MLXIPL: variants seen among roughly 807,000 people sequenced by gnomAD.
MLXIPL encodes the protein MLX interacting protein like, also known as carbohydrate-responsive element-binding protein.
In MLXIPL, 49 loss-of-function variants were observed where a neutral mutation model predicts 81.5. The ratio of observed to expected loss-of-function variants is 0.60; its 90% CI spans 0.48 to 0.76. The LOEUF is 0.76. Ranked by LOEUF, MLXIPL falls within the 30% of genes least tolerant of loss-of-function variation. The probability of loss-of-function intolerance (pLI) is 0.00; values close to 1 mark genes in which losing one functional copy is unlikely to be tolerated. For missense variants in MLXIPL, 1,053 were observed against 1,167.0 expected, an observed-to-expected ratio of 0.90 and a Z score of 1.42; for synonymous variants, 466 against 485.5, an observed-to-expected ratio of 0.96 and a Z score of 0.53.
At chr7:73,601,910 C>A (rs1794857718) in intron 7 of MLXIPL, among the ~76,000 whole-genome samples, 2 of 152,100 alleles carry the variant, frequency 1.3e-5, no homozygotes, top group Non-Finnish European at 2.9e-5. Flanking sequence ...GGAGTCTCAG[C>A]ATGGGGTCTG....
chr7:73,596,169 G>T lies in MLXIPL; in HGVS notation c.2042C>A (p.Ala681Asp). The change falls in exon 13 of 17, where the codon GCC becomes GAC. Residue 681 changes from alanine to aspartate, a missense_variant. Transcript: ENST00000313375. The surrounding 1 kb of genome is among the most constrained non-coding windows in gnomAD (Gnocchi z 4.7). ...TLHGLVSTLS[A>D]QPSLKVSKAT... Reference sequence around the variant, plus strand: ...GGGGCTCACCTTGAGGCTGGGCTGGGCACTGAGTGTGCTCACGAGCCCATG... The same window carrying T: ...GGGGCTCACCTTGAGGCTGGGCTGGTCACTGAGTGTGCTCACGAGCCCATG... The T allele has an allele frequency of 1.2e-6, 2 of 1,613,008 alleles. No homozygotes were observed. Among genetic ancestry groups the T allele is most frequent in the Non-Finnish European group, 1.7e-6 (2 of 1,179,898 alleles).
At chr7:73,628,484 G>A (rs567763772), upstream of MLXIPL, among the ~76,000 whole-genome samples, 4 of 152,158 alleles carry the variant, frequency 2.6e-5, no homozygotes, top group Non-Finnish European at 4.4e-5. Flanking sequence ...ATGCAAGGAC[G>A]TCCACAGATT....
chr7:73,596,640 G>T lies in MLXIPL; in HGVS notation c.1821C>A (p.Ser607Arg), dbSNP rs782745942. The T allele has an allele frequency of 4.4e-6, 7 of 1,596,894 alleles. No individual in the cohort carries two copies. The Admixed American group carries it at 6.8e-5, about 16-fold the overall frequency. ...KAERLSPPAP[S>R]GSERRLSGDL... ...AATCCCTGCAACCCCTCTCTTTACCGCTGGGCGCTGGGGGTGAGAGCCGCT... is the reference window on the plus strand; with the variant it reads ...AATCCCTGCAACCCCTCTCTTTACCTCTGGGCGCTGGGGGTGAGAGCCGCT... Residue 607 changes from serine (S) to arginine (R), a missense_variant and splice_region_variant, in exon 11 of 17, where the codon AGC becomes AGA. Transcript: ENST00000313375. This position sits in a 1 kb window ranked among gnomAD's most constrained non-coding sequence, Gnocchi z 4.7.
the MLXIPL span, among the ~76,000 whole-genome samples, chr7:73,646,802 GGAGTTGCTGAGTGTAA>G: frequency 6.6e-6 from 1 of 152,114 alleles, no homozygotes. Flanking sequence ...ATGGGGCAGG[GGAGTTGCTGAGTGTAA>G]GATAAGTTCT....
At position 73,596,940 on chromosome 7, in the gene MLXIPL, C is replaced by A. The variant is rs782285397; in HGVS notation, c.1604-8G>T. On this transcript the variant is annotated splice_polypyrimidine_tract_variant and splice_region_variant and intron_variant, in intron 9 of 16. Coordinates refer to ENST00000313375, the MANE Select transcript of MLXIPL (RefSeq NM_032951.3). The surrounding 1 kb of genome is among the most constrained non-coding windows in gnomAD (Gnocchi z 4.7). Reference sequence around the variant, plus strand: ...GGGCTTGCTCCGGCTTAGCTGTGCACGGGCAGAACCGTGAGGCTACTGGGG... The same window carrying A: ...GGGCTTGCTCCGGCTTAGCTGTGCAAGGGCAGAACCGTGAGGCTACTGGGG... 3 of 1,606,758 alleles carry A rather than the reference C, an allele frequency of 1.9e-6. No homozygotes were observed. Among genetic ancestry groups the A allele is most frequent in the Non-Finnish European group, 1.7e-6 (2 of 1,178,316 alleles).
chr7:73,619,526 G>A (rs1447590344), intron 1 of MLXIPL, among the ~76,000 whole-genome samples: 1 of 151,920 alleles, frequency 6.6e-6, no homozygotes, highest in Non-Finnish European at 1.5e-5. Flanking sequence ...CTACTCAGGA[G>A]GCTGCAGTGG....
intron 1 of MLXIPL, among the ~76,000 whole-genome samples, chr7:73,618,498 C>T (rs1796128423): frequency 6.6e-6 from 1 of 151,710 alleles, no homozygotes; most frequent in Non-Finnish European, 1.5e-5. Context: ...ACTCCGCAGC[C>T]TCTCCCTACT....
chr7:73,635,687 C>T, the MLXIPL span, among the ~76,000 whole-genome samples: 1 of 151,984 alleles, frequency 6.6e-6, no homozygotes, highest in Admixed American at 6.6e-5. Flanking sequence ...ATCATCCATC[C>T]ATCTATCTCT....
At chr7:73,631,095 A>T in the MLXIPL span, among the ~76,000 whole-genome samples, 3 of 150,940 alleles carry the variant, frequency 2.0e-5, no homozygotes, top group Non-Finnish European at 2.9e-5. Context: ...TGCAAGCTCC[A>T]TCTCCTGGGT....
chr7:73,603,276 G>A (rs1466297683), intron 7 of MLXIPL, among the ~76,000 whole-genome samples: 5 of 152,292 alleles, frequency 3.3e-5, no homozygotes, highest in South Asian at 2.1e-4. Flanking sequence ...CCTCCTCTGT[G>A]TGGCCCACAC....
chr7:73,618,632 G>A (rs1554601297), intron 1 of MLXIPL, among the ~76,000 whole-genome samples: 1 of 151,392 alleles, frequency 6.6e-6, no homozygotes, highest in Non-Finnish European at 1.5e-5. Context: ...ACCCAAATAA[G>A]ATACACAGCC....
the MLXIPL span, among the ~76,000 whole-genome samples, chr7:73,637,059 C>CAAAAAAAAA: frequency 1.3e-3 from 150 of 119,572 alleles, 2 homozygotes; most frequent in Non-Finnish European, 1.4e-3. Flanking sequence ...GATTCCATCT[C>CAAAAAAAAA]AAAAAAAAAA....
intron 5 of MLXIPL, chr7:73,606,668 CA>C (rs1378591688): frequency 1.5e-5 from 6 of 397,810 alleles, no homozygotes; most frequent in Non-Finnish European, 2.4e-5. Context: ...TCAGATGACC[CA>C]CCCGCCTCGG....
intron 2 of MLXIPL, among the ~76,000 whole-genome samples, chr7:73,613,000 C>T (rs1365368881): frequency 1.3e-5 from 2 of 152,006 alleles, no homozygotes; most frequent in Non-Finnish European, 2.9e-5. Context: ...CAGGGAGCTC[C>T]CAGGACACCA....
At chr7:73,630,285 CTTTTTTTTTTTT>C in the MLXIPL span, among the ~76,000 whole-genome samples, 1 of 97,874 alleles carries the variant, frequency 1.0e-5, no homozygotes, top group Non-Finnish European at 1.8e-5. Context: ...GCCAGCTTGT[CTTTTTTTTTTTT>C]TTTTTTTTTG....
chr7:73,619,229 G>A (rs34062580), intron 1 of MLXIPL, among the ~76,000 whole-genome samples: 17,691 of 152,010 alleles, frequency 0.12, 1,049 homozygotes, highest in Middle Eastern at 0.13. Flanking sequence ...GGGAGGCCGA[G>A]GTGGGTGGAT....
At chr7:73,634,340 T>C in the MLXIPL span, among the ~76,000 whole-genome samples, 1 of 152,034 alleles carries the variant, frequency 6.6e-6, no homozygotes, top group African/African-American at 2.4e-5. Flanking sequence ...AAGACCAGCC[T>C]GGGCGACGGA....
the MLXIPL span, among the ~76,000 whole-genome samples, chr7:73,646,864 C>T: frequency 2.5e-4 from 38 of 152,182 alleles, 1 homozygote; most frequent in East Asian, 7.0e-3. Context: ...TCTCATAGAT[C>T]CCTGGTCCCC....
Position 73,596,441 on chromosome 7 carries a change from G to T in MLXIPL, c.1861C>A (p.Pro621Thr), listed in dbSNP as rs1484174645. 6.2e-7 allele frequency: 1 copy of T among 1,612,762 alleles called. No individual in the cohort carries two copies. Among genetic ancestry groups the T allele is most frequent in the Non-Finnish European group, 8.5e-7 (1 of 1,179,990 alleles). ...RRLSGDLSSM[P>T]GPGTLSVRVS... Reference sequence around the variant, plus strand: ...CGGACGCTCAGAGTCCCAGGGCCTGGCATGGAGCTGAGGTCCCCTGACAGC... The same window carrying T: ...CGGACGCTCAGAGTCCCAGGGCCTGTCATGGAGCTGAGGTCCCCTGACAGC... Residue 621 changes from proline to threonine, a missense_variant, in exon 12 of 17, where the codon CCA becomes ACA. This residue lies in a region of MLXIPL where 823 missense variants were observed against 933.0 expected (regional missense o/e 0.88). Transcript: ENST00000313375. This position sits in a 1 kb window ranked among gnomAD's most constrained non-coding sequence, Gnocchi z 4.7.
Sources: gnomAD v4.1 joint callset for allele counts (sites outside exome capture counted in the v4.1 genomes callset) on GRCh38, gnomAD v4.1.1 for gene constraint, gnomAD v4.1.1 regional missense constraint, Gnocchi (gnomAD v3.1) non-coding constraint, MANE v1.5 for transcripts, NCBI Gene and HGNC (gene_info 2026-07-23, HGNC 2026-07-21) for gene names.